The following PCDHGB7 variants were observed in gnomAD, a reference collection of about 807,000 sequenced individuals.
The protein encoded by PCDHGB7 is protocadherin gamma-B7.
In PCDHGB7, 37 loss-of-function variants were observed where a neutral mutation model predicts 61.4. That is an observed-to-expected ratio of 0.60 (90% CI 0.46 to 0.79). The LOEUF (loss-of-function observed/expected upper bound fraction) is 0.79, where lower values mean the gene tolerates loss of function less well. Ranked by LOEUF, PCDHGB7 falls within the 30% of genes least tolerant of loss-of-function variation. The probability of loss-of-function intolerance (pLI) is 0.00; values close to 1 mark genes in which losing one functional copy is unlikely to be tolerated. For synonymous variants in PCDHGB7, 464 were observed against 503.5 expected (o/e 0.92, Z 1.05); for missense variants, 1,166 against 1,202.5 (o/e 0.97, Z 0.45).
Position 141,417,710 on chromosome 5 carries a change from T to C in PCDHGB7, c.-150T>C. 1 of 1,249,348 alleles carries C rather than the reference T, an allele frequency of 8.0e-7. No individual in the cohort carries two copies. The highest frequency in any genetic ancestry group is 1.1e-6 in the Non-Finnish European group (1 of 931,336). The allele number at this position is 1,249,348 out of a possible 1,614,324, so 77.4% of individuals were successfully genotyped here. A position where few individuals can be genotyped will look rare whatever the true frequency, so the allele number is the denominator to read the frequency against. On this transcript the variant is annotated 5_prime_UTR_variant, in exon 1 of 4. Transcript: ENST00000398594. ...AGAAAACCAGCTCCCACACAGAGGC[T>C]CCCGGCTGCGCAGACCTTGCCCAGC...
At position 141,477,530 on chromosome 5, in the gene PCDHGB7, C is replaced by A; in HGVS notation, c.2416-17277C>A. The A allele has an allele frequency of 6.2e-7, 1 of 1,614,186 alleles. No homozygotes were observed. The highest frequency in any genetic ancestry group is 1.1e-5 in the South Asian group (1 of 91,082). ...CGTTTACATTGAAGAAAACAACCTCCCCGGGGCTCCAATACTAAACCTAAG... is the reference window on the plus strand; with the variant it reads ...CGTTTACATTGAAGAAAACAACCTCACCGGGGCTCCAATACTAAACCTAAG... On this transcript the variant is annotated intron_variant, in intron 1 of 3. Coordinates refer to ENST00000398594, the MANE Select transcript of PCDHGB7 (RefSeq NM_018927.4). The surrounding 1 kb of genome is among the most constrained non-coding windows in gnomAD (Gnocchi z 4.9).
chr5:141,464,419 A>C (rs2099083824), intron 1 of PCDHGB7, among the ~76,000 whole-genome samples: 1 of 151,658 alleles, frequency 6.6e-6, no homozygotes, highest in Non-Finnish European at 1.5e-5. Flanking sequence ...ATATATCTAT[A>C]TATATAGATA....
rs1241481126 is a variant in PCDHGB7 at position 141,419,094 on chromosome 5, G to A, written c.1235G>A (p.Arg412Gln). The A allele has an allele frequency of 2.5e-6, 4 of 1,613,776 alleles. No homozygotes were observed. The highest frequency in any genetic ancestry group is 1.1e-5 in the South Asian group (1 of 91,082). Residue 412 changes from arginine (R) to glutamine (Q), a missense_variant, in exon 1 of 4, where the codon CGG becomes CAG. Transcript: ENST00000398594. ...YKLVTDEALD[R>Q]EQTPEYNVTI... ...CTAGTAACAGATGAGGCCCTGGATC[G>A]GGAGCAGACCCCAGAGTACAACGTC...
chr5:141,428,197 G>A, intron 1 of PCDHGB7: 3 of 1,385,968 alleles, frequency 2.2e-6, no homozygotes, highest in Non-Finnish European at 3.0e-6. Context: ...CGCTCTCTGC[G>A]CCGCTACGCT....
intron 1 of PCDHGB7, among the ~76,000 whole-genome samples, chr5:141,474,773 G>T (rs1290099424): frequency 6.6e-6 from 1 of 152,182 alleles, no homozygotes; most frequent in East Asian, 1.9e-4. Flanking sequence ...ATAGTATGAG[G>T]CTCTAACACT....
intron 1 of PCDHGB7, among the ~76,000 whole-genome samples, chr5:141,468,962 C>T (rs2099187487): frequency 6.7e-6 from 1 of 148,782 alleles, no homozygotes; most frequent in Non-Finnish European, 1.5e-5. Context: ...GTTTTTTTTA[C>T]CTTAGGCTTT....
At chr5:141,454,796 A>ATTTTTTTTTTTTTTTTTTTTTTTT (rs61612330) in intron 1 of PCDHGB7, among the ~76,000 whole-genome samples, 4 of 77,456 alleles carry the variant, frequency 5.2e-5, no homozygotes, top group Non-Finnish European at 9.3e-5. Flanking sequence ...CATGGTTCTA[A>ATTTTTTTTTTTTTTTTTTTTTTTT]TTTTTTTTTT....
At chr5:141,441,820 G>A in intron 1 of PCDHGB7, 1 of 359,390 alleles carries the variant, frequency 2.8e-6, no homozygotes, top group Non-Finnish European at 5.5e-6. Flanking sequence ...CCCAGCTCTG[G>A]AGCGCAATGG....
chr5:141,496,888 T>TAAA (rs35063790), intron 2 of PCDHGB7, among the ~76,000 whole-genome samples: 5 of 134,118 alleles, frequency 3.7e-5, no homozygotes, highest in East Asian at 4.4e-4. Context: ...AAGTAACACT[T>TAAA]AAAAAAAAAA....
In PCDHGB7 at chr5:141,476,875, C is replaced by T; in HGVS notation, c.2416-17932C>T. On this transcript the variant is annotated intron_variant, in intron 1 of 3. Coordinates refer to ENST00000398594, the MANE Select transcript of PCDHGB7 (RefSeq NM_018927.4). The surrounding 1 kb of genome is among the most constrained non-coding windows in gnomAD (Gnocchi z 7.6). ...ACCAGTCCTTGTACCGGGCGCGCGT[C>T]CTGGAGGATGCACCCTCCGGCACGC... 2 of 1,613,928 alleles carry T rather than the reference C, an allele frequency of 1.2e-6. No homozygotes were observed. Among genetic ancestry groups the T allele is most frequent in the Non-Finnish European group, 1.7e-6 (2 of 1,180,044 alleles).
rs1414835001 is a variant in PCDHGB7 at position 141,476,225 on chromosome 5, A to T, written c.2416-18582A>T. 1.2e-6 allele frequency: 2 copies of T among 1,613,882 alleles called. No individual in the cohort carries two copies. Among genetic ancestry groups the T allele is most frequent in the Non-Finnish European group, 1.7e-6 (2 of 1,180,012 alleles). ...GGCTTCCACGGTCATTCACTATGAG[A>T]TCCCGGAGGAAAGAGAGAAGGGTTT... On this transcript the variant is annotated intron_variant, in intron 1 of 3. Transcript: ENST00000398594. This position sits in a 1 kb window ranked among gnomAD's most constrained non-coding sequence, Gnocchi z 7.6.
intron 1 of PCDHGB7, among the ~76,000 whole-genome samples, chr5:141,443,082 C>A (rs958408385): frequency 6.6e-6 from 1 of 151,624 alleles, no homozygotes; most frequent in African/African-American, 2.4e-5. Flanking sequence ...ACTGAGTGTT[C>A]CAGTCTCCTT....
At chr5:141,488,021 C>A (rs570700985) in intron 1 of PCDHGB7, among the ~76,000 whole-genome samples, 1 of 152,244 alleles carries the variant, frequency 6.6e-6, no homozygotes, top group East Asian at 1.9e-4. Flanking sequence ...TACCTTAACT[C>A]TAGGTTACCA....
intron 1 of PCDHGB7, among the ~76,000 whole-genome samples, chr5:141,463,124 T>C (rs2099053100): frequency 6.6e-6 from 1 of 152,174 alleles, no homozygotes; most frequent in African/African-American, 2.4e-5. Context: ...AATAGCTCCC[T>C]GGCAGTTCTT....
chr5:141,480,946 G>A (rs1415705408), intron 1 of PCDHGB7, among the ~76,000 whole-genome samples: 1 of 152,172 alleles, frequency 6.6e-6, no homozygotes, highest in Non-Finnish European at 1.5e-5. Context: ...TCTAGAGGCT[G>A]AGGCGGAAGC....
chr5:141,494,434 T>A (rs976526647), intron 1 of PCDHGB7, among the ~76,000 whole-genome samples: 2 of 152,166 alleles, frequency 1.3e-5, no homozygotes, highest in Middle Eastern at 3.2e-3. Flanking sequence ...AAAAGCCTCC[T>A]TTGCCACTTT....
chr5:141,472,980 CAA>C (rs60579131), intron 1 of PCDHGB7, among the ~76,000 whole-genome samples: 879 of 86,072 alleles, frequency 0.01, 5 homozygotes, highest in African/African-American at 0.015. Context: ...GAGTGAAACT[CAA>C]AAAAAAAAAA....
rs186593502 is a variant in PCDHGB7 at position 141,429,415 on chromosome 5, A to G, written c.2415+9141A>G. Among the ~76,000 whole-genome samples, 582 of 151,976 alleles carry G rather than the reference A, an allele frequency of 3.8e-3. 6 individuals carry two copies. The highest frequency in any genetic ancestry group is 0.011 in the Admixed American group (171 of 15,260). ...AAAAAATTGAGATTAAGGTCTCATT[A>G]TGTTGCCCAGGCTGGACTCAAACTC... is the stretch of plus-strand genomic sequence containing the variant. On this transcript the variant is annotated intron_variant, in intron 1 of 3. Transcript: ENST00000398594.
intron 1 of PCDHGB7, chr5:141,427,965 C>T: frequency 6.3e-7 from 1 of 1,590,342 alleles, no homozygotes; most frequent in Non-Finnish European, 8.6e-7. Flanking sequence ...GCCGCGGGTG[C>T]TGTACCCCGC....
Sources: gnomAD v4.1 joint callset for allele counts (sites outside exome capture counted in the v4.1 genomes callset) on GRCh38, gnomAD v4.1.1 for gene constraint, Gnocchi (gnomAD v3.1) non-coding constraint, MANE v1.5 for transcripts, NCBI Gene and HGNC (gene_info 2026-07-23, HGNC 2026-07-21) for gene names.